Variants in PCDH9 observed in about 807,000 individuals in gnomAD.
PCDH9 encodes protocadherin 9.
A neutral mutation model predicts 70.6 loss-of-function variants in PCDH9; 24 were observed. The ratio of observed to expected loss-of-function variants is 0.34; its 90% CI spans 0.25 to 0.48. The LOEUF is 0.48. Ranked by LOEUF, PCDH9 falls within the 20% of genes least tolerant of loss-of-function variation. PCDH9 has a pLI of 0.99. For missense variants in PCDH9, 1,281 were observed against 1,503.6 expected (o/e 0.85, Z 2.45); for synonymous variants, 562 against 558.5 (o/e 1.01, Z -0.09).
chr13:66,726,225 C>T (rs2079003716), intron 3 of PCDH9, among the ~76,000 whole-genome samples: 1 of 152,004 alleles, frequency 6.6e-6, no homozygotes, highest in Non-Finnish European at 1.5e-5. Flanking sequence ...CAATATGGAA[C>T]AGTCACCAAA....
At chr13:66,573,862 T>C (rs1043345095) in intron 4 of PCDH9, among the ~76,000 whole-genome samples, 1 of 152,168 alleles carries the variant, frequency 6.6e-6, no homozygotes. Context: ...ACTATCGGGT[T>C]CTTTTACATT....
At chr13:66,359,857 T>C (rs985734174) in intron 4 of PCDH9, among the ~76,000 whole-genome samples, 11 of 152,142 alleles carry the variant, frequency 7.2e-5, no homozygotes, top group Admixed American at 7.2e-4. Flanking sequence ...ATTTCTGCAC[T>C]AGTAAAATGT....
intron 3 of PCDH9, among the ~76,000 whole-genome samples, chr13:66,716,677 T>C (rs1245612979): frequency 2.1e-4 from 32 of 152,196 alleles, no homozygotes; most frequent in Admixed American, 2.0e-3. Context: ...TCAATATTTA[T>C]CTCAGGGACT....
At chr13:67,091,441 T>G (rs528359339) in intron 2 of PCDH9, among the ~76,000 whole-genome samples, 1 of 152,278 alleles carries the variant, frequency 6.6e-6, no homozygotes, top group Admixed American at 6.5e-5. Flanking sequence ...CATGTTTCAT[T>G]GAATATGTTG....
rs540354390 is a variant in PCDH9 at position 66,942,901 on chromosome 13, T to C, written c.3037-39296A>G. 2.5e-3 allele frequency among the ~76,000 whole-genome samples: 376 copies of C among 152,262 alleles called. 4 individuals carry two copies. The highest frequency in any genetic ancestry group is 8.8e-3 in the African/African-American group (365 of 41,586). On this transcript the variant is annotated intron_variant, in intron 2 of 4. Transcript: ENST00000377865. ...TGACCACAGATTCTGTGTTAAAATG[T>C]TTGGAAAACAAACTTGAAGAACAGA...
chr13:66,785,185 A>T lies in PCDH9; in HGVS notation c.3138+118319T>A, dbSNP rs577281818. On this transcript the variant is annotated intron_variant, in intron 3 of 4. Transcript: ENST00000377865. Reference sequence around the variant, plus strand: ...GTAAATAACTTTTCATTAGAGTTAAACCATGCTTTACATATCCATTGGATA... The same window carrying T: ...GTAAATAACTTTTCATTAGAGTTAATCCATGCTTTACATATCCATTGGATA... 2.0e-5 allele frequency among the ~76,000 whole-genome samples: 3 copies of T among 152,178 alleles called. No homozygotes were observed. In the East Asian group the frequency reaches 5.8e-4, roughly 29 times the overall value.
chr13:66,935,771 T>G (rs1348714178), intron 2 of PCDH9, among the ~76,000 whole-genome samples: 1 of 152,090 alleles, frequency 6.6e-6, no homozygotes, highest in African/African-American at 2.4e-5. Flanking sequence ...ACAACCCTTT[T>G]CAATATTAAT....
intron 4 of PCDH9, among the ~76,000 whole-genome samples, chr13:66,426,274 A>T (rs1292893004): frequency 2.0e-5 from 3 of 151,634 alleles, no homozygotes; most frequent in African/African-American, 7.2e-5. Context: ...GAATGGTAGT[A>T]CAACCTAATG....
intron 4 of PCDH9, among the ~76,000 whole-genome samples, chr13:66,579,765 A>T (rs1226965822): frequency 6.6e-6 from 1 of 152,080 alleles, no homozygotes; most frequent in Non-Finnish European, 1.5e-5. Flanking sequence ...TCTGAGGAGA[A>T]AAAGAAGGAT....
intron 2 of PCDH9, among the ~76,000 whole-genome samples, chr13:67,167,398 A>T (rs2088148426): frequency 2.0e-5 from 3 of 152,188 alleles, no homozygotes; most frequent in African/African-American, 7.2e-5. Context: ...AAAAATCCAT[A>T]AGGATACTAT....
At chr13:66,985,036 A>G (rs1221658133) in intron 2 of PCDH9, among the ~76,000 whole-genome samples, 2 of 151,988 alleles carry the variant, frequency 1.3e-5, no homozygotes, top group Non-Finnish European at 2.9e-5. Flanking sequence ...TCCTTCTACT[A>G]ATTATTGCTT....
At chr13:67,154,949 G>C (rs555951201) in intron 2 of PCDH9, among the ~76,000 whole-genome samples, 12 of 152,032 alleles carry the variant, frequency 7.9e-5, no homozygotes, top group Middle Eastern at 3.4e-3. Flanking sequence ...CTGATCTCAG[G>C]TGATCCACCC....
At chr13:66,362,511 G>A (rs945400060) in intron 4 of PCDH9, among the ~76,000 whole-genome samples, 1 of 152,096 alleles carries the variant, frequency 6.6e-6, no homozygotes, top group Non-Finnish European at 1.5e-5. Context: ...ATTTTTAGAG[G>A]TGAAATCCTC....
intron 4 of PCDH9, among the ~76,000 whole-genome samples, chr13:66,553,416 A>T (rs1391849028): frequency 1.3e-5 from 2 of 152,224 alleles, no homozygotes; most frequent in Admixed American, 1.3e-4. Context: ...TTACTGATAC[A>T]GGTCCGTGAC....
chr13:66,572,498 A>G (rs1220796424), intron 4 of PCDH9, among the ~76,000 whole-genome samples: 1 of 152,096 alleles, frequency 6.6e-6, no homozygotes, highest in Non-Finnish European at 1.5e-5. Flanking sequence ...TTCACTTAAC[A>G]TAATGTCCTC....
chr13:67,142,603 A>G lies in PCDH9; in HGVS notation c.3036+82802T>C, dbSNP rs145434341. 4.9e-3 allele frequency among the ~76,000 whole-genome samples: 751 copies of G among 152,344 alleles called. 13 individuals are homozygous for G. Among genetic ancestry groups the G allele is most frequent in the African/African-American group, 0.017 (708 of 41,580 alleles). ...GCAAAGACAACCTTTGAGAGTGTAT[A>G]GTGGTATTAAAAAAGAGTAAAATTA... On this transcript the variant is annotated intron_variant, in intron 2 of 4. Transcript: ENST00000377865.
At chr13:66,400,039 C>T (rs1438484619) in intron 4 of PCDH9, among the ~76,000 whole-genome samples, 1 of 152,176 alleles carries the variant, frequency 6.6e-6, no homozygotes, top group African/African-American at 2.4e-5. Context: ...GCATTGTTAA[C>T]CCTCTAACAG....
intron 3 of PCDH9, among the ~76,000 whole-genome samples, chr13:66,734,826 A>T (rs535639552): frequency 6.6e-6 from 1 of 152,308 alleles, no homozygotes; most frequent in South Asian, 2.1e-4. Flanking sequence ...GAAATAAATG[A>T]CTTATACAGC....
At chr13:66,737,018 T>C (rs1421075497) in intron 3 of PCDH9, among the ~76,000 whole-genome samples, 4 of 152,190 alleles carry the variant, frequency 2.6e-5, no homozygotes, top group Non-Finnish European at 5.9e-5. Context: ...CCTCTATTTT[T>C]TCCATCTCCC....
Sources: allele counts gnomAD v4.1 joint callset (sites outside exome capture counted in the v4.1 genomes callset), GRCh38; gene constraint gnomAD v4.1.1; transcripts MANE v1.5; gene names NCBI Gene and HGNC (gene_info 2026-07-23, HGNC 2026-07-21).